The following SNRNP27 variants were observed in gnomAD, a reference collection of about 807,000 sequenced individuals.
SNRNP27 encodes small nuclear ribonucleoprotein U4/U6.U5 subunit 27.
A neutral mutation model predicts 25.1 loss-of-function variants in SNRNP27; 22 were observed. That is an observed-to-expected ratio of 0.88 (90% CI 0.63 to 1.25). SNRNP27 has a LOEUF of 1.25. Among genes scored for constraint, SNRNP27 ranks in the 50% most tolerant of loss-of-function variants. The pLI is 0.00. For synonymous variants in SNRNP27, 66 were observed against 64.9 expected (o/e 1.02, Z -0.08); for missense variants, 150 against 202.3 (o/e 0.74, Z 1.57).
intron 2 of SNRNP27, 41 bp from the exon 3 acceptor site, chr2:69,896,393 GAT>G: frequency 6.3e-7 from 1 of 1,584,408 alleles, no homozygotes; most frequent in African/African-American, 1.4e-5. Context: ...ATACAAAGTT[GAT>G]ATGTCTGTCT....
rs1676769214 is a variant in SNRNP27 at position 69,904,900 on chromosome 2, A to C, written c.*592A>C. 1 of 151,794 alleles carries C rather than the reference A, an allele frequency of 6.6e-6. No homozygotes were observed. Among genetic ancestry groups the C allele is most frequent in the Non-Finnish European group, 1.5e-5 (1 of 67,998 alleles). 9.4% of individuals were successfully genotyped at this position (151,794 alleles called of 1,614,324 possible). On this transcript the variant is annotated 3_prime_UTR_variant, in exon 6 of 6. Transcript: ENST00000244227. ...TACATGCAAAAAAAAGATCTCAGAG[A>C]AAACAAAAGTAAAAGAAAAGCAGAA...
At chr2:69,899,461 G>A (rs747606361) in intron 4 of SNRNP27, among the ~76,000 whole-genome samples, 3 of 151,404 alleles carry the variant, frequency 2.0e-5, no homozygotes, top group Admixed American at 6.6e-5. Flanking sequence ...ACAGAGTCTC[G>A]CTCTGTTGTC....
At chr2:69,894,125 T>A (rs1173339096) in intron 1 of SNRNP27, 107 bp downstream of exon 1, 1 of 1,066,190 alleles carries the variant, frequency 9.4e-7, no homozygotes, top group Non-Finnish European at 1.4e-6. Context: ...GGCGGGCCCT[T>A]TTCCCAGGCG....
At chr2:69,903,352 T>C in intron 5 of SNRNP27, 107 bp downstream of exon 5, 1 of 820,336 alleles carries the variant, frequency 1.2e-6, no homozygotes, top group South Asian at 1.5e-5. Flanking sequence ...TTTTCCATAC[T>C]GTTCCTTGTT....
chr2:69,903,138 A>G, intron 4 of SNRNP27, 43 bp from the exon 5 acceptor site: 1 of 1,465,824 alleles, frequency 6.8e-7, no homozygotes, highest in Non-Finnish European at 9.6e-7. Flanking sequence ...GATTTAATGT[A>G]TCCTTCCTGT....
At chr2:69,894,976 C>T in intron 1 of SNRNP27, 118 bp from the exon 2 acceptor site, 1 of 1,411,342 alleles carries the variant, frequency 7.1e-7, no homozygotes, top group Non-Finnish European at 9.6e-7. Flanking sequence ...CCGCTCCCAG[C>T]CTCTTTTTAC....
chr2:69,895,784 TCTC>T (rs1676589750), intron 2 of SNRNP27, among the ~76,000 whole-genome samples: 1 of 152,060 alleles, frequency 6.6e-6, no homozygotes. Flanking sequence ...ATGGTCTTGA[TCTC>T]CTGACCTCGT....
intron 1 of SNRNP27, among the ~76,000 whole-genome samples, chr2:69,894,505 G>T (rs1053447255): frequency 1.3e-5 from 2 of 152,028 alleles, no homozygotes; most frequent in African/African-American, 4.8e-5. Flanking sequence ...TCCTGCCCAG[G>T]TCATTACAGG....
intron 3 of SNRNP27, among the ~76,000 whole-genome samples, chr2:69,896,910 G>A (rs1676613651): frequency 6.6e-6 from 1 of 152,072 alleles, no homozygotes; most frequent in African/African-American, 2.4e-5. Flanking sequence ...CTGACCTCAG[G>A]TGATCCTCCC....
intron 5 of SNRNP27, chr2:69,903,473 A>T (rs938225894): frequency 6.6e-6 from 3 of 456,078 alleles, no homozygotes; most frequent in Non-Finnish European, 1.2e-5. Context: ...TTTTAGGACT[A>T]TAGATAGTAA....
At chr2:69,902,938 C>CTTTTTTTTTTTTTTTTTTTTTTTTTT (rs761833954) in intron 4 of SNRNP27, among the ~76,000 whole-genome samples, 1 of 92,412 alleles carries the variant, frequency 1.1e-5, no homozygotes, top group Non-Finnish European at 1.9e-5. Context: ...TCTTCTTCTT[C>CTTTTTTTTTTTTTTTTTTTTTTTTTT]TTTTTTTTTT....
chr2:69,897,475 A>G lies in SNRNP27; in HGVS notation c.348+19A>G. 1.3e-6 allele frequency: 2 copies of G among 1,550,960 alleles called. No individual in the cohort carries two copies. The highest frequency in any genetic ancestry group is 2.2e-5 in the East Asian group (1 of 44,536). ...CACAAAAGTAAGTAAAACGTGCAAC[A>G]TTCTCATTTGAATTAATATGTTATG... On this transcript the variant is annotated intron_variant, in intron 4 of 5. Coordinates refer to ENST00000244227, the MANE Select transcript of SNRNP27 (RefSeq NM_006857.3).
At chr2:69,903,726 CTCTA>C (rs1391716663) in intron 5 of SNRNP27, among the ~76,000 whole-genome samples, 1 of 152,164 alleles carries the variant, frequency 6.6e-6, no homozygotes, top group African/African-American at 2.4e-5. Context: ...TTGCCTTTCT[CTCTA>C]ACTTTGTCGC....
In SNRNP27 at chr2:69,897,619, A is replaced by G. The variant is rs111955368; in HGVS notation, c.348+163A>G. On this transcript the variant is annotated intron_variant, in intron 4 of 5. Coordinates refer to ENST00000244227, the MANE Select transcript of SNRNP27 (RefSeq NM_006857.3). The stretch of plus-strand genomic sequence containing the variant: ...GGAGGAAACAGTGAACTGCCATTGG[A>G]ATTCAGGGAGTGGTTGCCAGGGACG... 43 of 609,492 alleles carry G rather than the reference A, an allele frequency of 7.1e-5. 1 individual carries two copies. Among genetic ancestry groups the G allele is most frequent in the African/African-American group, 6.7e-4 (36 of 53,484 alleles). 37.8% of individuals were successfully genotyped at this position (609,492 alleles called of 1,614,324 possible).
chr2:69,896,324 G>A (rs773796889), intron 2 of SNRNP27, 112 bp from the exon 3 acceptor site: 4 of 1,008,714 alleles, frequency 4.0e-6, no homozygotes, highest in Non-Finnish European at 5.8e-6. Context: ...TCCTCACTTT[G>A]CTATACGGAA....
chr2:69,904,287 A>T lies in SNRNP27; in HGVS notation c.447A>T (p.Arg149Ser). Residue 149 changes from arginine (R) to serine (S), a missense_variant, in exon 6 of 6, where the codon AGA becomes AGT. By Grantham distance (110) the Arg-to-Ser change is moderately radical. This residue lies in a region of SNRNP27 where 8 missense variants were observed against 33.7 expected (regional missense o/e 0.24). Coordinates refer to ENST00000244227, the MANE Select transcript of SNRNP27 (RefSeq NM_006857.3). Reference sequence around the variant, plus strand: ...TGAATCGAAAAGGTGGATTCAACAGACCTTTGGATTTCATTGCATGAGAAT... The same window carrying T: ...TGAATCGAAAAGGTGGATTCAACAGTCCTTTGGATTTCATTGCATGAGAAT... Reference protein sequence around the residue: ...QYMNRKGGFNRPLDFIA With the variant: ...QYMNRKGGFNSPLDFIA 6.2e-7 allele frequency: 1 copy of T among 1,610,676 alleles called. No homozygotes were observed. Among genetic ancestry groups the T allele is most frequent in the Non-Finnish European group, 8.5e-7 (1 of 1,178,752 alleles).
intron 4 of SNRNP27, among the ~76,000 whole-genome samples, chr2:69,900,760 T>C (rs1558562064): frequency 6.6e-6 from 1 of 152,112 alleles, no homozygotes; most frequent in Non-Finnish European, 1.5e-5. Context: ...TATCTGGGAG[T>C]GCAGTGACCT....
rs1371866015 is a variant in SNRNP27 at position 69,895,216 on chromosome 2, T to C, written c.155+2T>C. On this transcript the variant is annotated splice_donor_variant, in intron 2 of 5. Transcript: ENST00000244227. LOFTEE classifies it high-confidence loss of function. ...ATCCCCGCACCGAAGACGCTCCCGG[T>C]AAGGGCAGAAAATAAGCCAAGAGTT... 1 of 1,613,086 alleles carries C rather than the reference T, an allele frequency of 6.2e-7. No homozygotes were observed. The highest frequency in any genetic ancestry group is 1.7e-5 in the Admixed American group (1 of 59,706).
Position 69,897,467 on chromosome 2 carries a change from C to G in SNRNP27, c.348+11C>G. 1 of 1,578,386 alleles carries G rather than the reference C, an allele frequency of 6.3e-7. No individual in the cohort carries two copies. The highest frequency in any genetic ancestry group is 8.7e-7 in the Non-Finnish European group (1 of 1,148,248). On this transcript the variant is annotated intron_variant, in intron 4 of 5. Transcript: ENST00000244227. Reference sequence around the variant, plus strand: ...TTTGACTCCACAAAAGTAAGTAAAACGTGCAACATTCTCATTTGAATTAAT... The same window carrying G: ...TTTGACTCCACAAAAGTAAGTAAAAGGTGCAACATTCTCATTTGAATTAAT...
Sources: gnomAD v4.1 joint callset for allele counts (sites outside exome capture counted in the v4.1 genomes callset) on GRCh38, gnomAD v4.1.1 for gene constraint, gnomAD v4.1.1 regional missense constraint, MANE v1.5 for transcripts, NCBI Gene and HGNC (gene_info 2026-07-23, HGNC 2026-07-21) for gene names.